GLP1R: variants seen among roughly 807,000 people sequenced by gnomAD.
GLP1R encodes the protein glucagon-like peptide 1 receptor.
GLP1R carries 32 observed loss-of-function variants against 68.4 expected under a neutral mutation model. That is an observed-to-expected ratio of 0.47 (90% confidence interval 0.35 to 0.63). GLP1R has a LOEUF of 0.63. GLP1R is among the 20% of genes least tolerant of loss of function. The pLI is 0.00. For synonymous variants in GLP1R, 263 were observed against 244.4 expected (o/e 1.08, Z -0.71); for missense variants, 502 against 594.9 (o/e 0.84, Z 1.62).
At chr6:39,070,317 A>G (rs971980904) in intron 5 of GLP1R, among the ~76,000 whole-genome samples, 1 of 152,176 alleles carries the variant, frequency 6.6e-6, no homozygotes, top group African/African-American at 2.4e-5. Context: ...TGTTTTGTGG[A>G]TTTTTAACCA....
intron 8 of GLP1R, 102 bp downstream of exon 8, chr6:39,078,484 G>A (rs1317506023): frequency 9.6e-6 from 8 of 836,148 alleles, no homozygotes; most frequent in South Asian, 1.3e-5. Flanking sequence ...AGAGGATAAA[G>A]GGGGGTACCA....
Position 39,086,143 on chromosome 6 carries a change from T to A in GLP1R, c.*70T>A. 8.5e-7 allele frequency: 1 copy of A among 1,180,304 alleles called. No homozygotes were observed. The allele number at this position is 1,180,304 out of a possible 1,614,324, so 73.1% of individuals were successfully genotyped here. On this transcript the variant is annotated 3_prime_UTR_variant, in exon 13 of 13. Coordinates refer to ENST00000373256, the MANE Select transcript of GLP1R (RefSeq NM_002062.5). This position sits in a 1 kb window ranked among gnomAD's most constrained non-coding sequence, Gnocchi z 4.5. ...TGGCCAATCCAGGTGGGAGAGACAC[T>A]CCCAGGGACAAGGGAAGGAAGGGAC...
intron 1 of GLP1R, among the ~76,000 whole-genome samples, chr6:39,054,262 A>T (rs573143310): frequency 6.6e-6 from 1 of 151,854 alleles, no homozygotes; most frequent in Non-Finnish European, 1.5e-5. Context: ...ACCCACGACC[A>T]CCCAGAACCT....
chr6:39,051,637 G>A (rs1342396404), intron 1 of GLP1R, among the ~76,000 whole-genome samples: 1 of 152,182 alleles, frequency 6.6e-6, no homozygotes, highest in Non-Finnish European at 1.5e-5. Context: ...TCCTATGTGT[G>A]TGTGGTGGTG....
intron 12 of GLP1R, 146 bp downstream of exon 12, chr6:39,080,885 G>A: frequency 3.7e-6 from 2 of 544,412 alleles, no homozygotes; most frequent in Non-Finnish European, 6.6e-6. Flanking sequence ...AAGCCATCTT[G>A]TCCACAGATT....
chr6:39,061,260 C>T (rs1194728672), intron 3 of GLP1R, among the ~76,000 whole-genome samples: 1 of 152,144 alleles, frequency 6.6e-6, no homozygotes. Flanking sequence ...CTGGTACAAA[C>T]GAGACTGGGA....
chr6:39,064,949 C>T (rs1407595251), intron 3 of GLP1R, among the ~76,000 whole-genome samples: 1 of 152,214 alleles, frequency 6.6e-6, no homozygotes, highest in African/African-American at 2.4e-5. Context: ...TTTCCTCTCT[C>T]CAAGGGCTAT....
chr6:39,053,036 C>G (rs1768122250), intron 1 of GLP1R, among the ~76,000 whole-genome samples: 1 of 152,164 alleles, frequency 6.6e-6, no homozygotes, highest in South Asian at 2.1e-4. Flanking sequence ...GGTGTCGTCT[C>G]CACGTGCCTT....
chr6:39,079,245 C>T lies in GLP1R; in HGVS notation c.1043+45C>T. ...TTTACTGAGGACCCTCAGCAAGTGC[C>T]CCTTTCCTTCTAGCAGAGAGAGAGA... On this transcript the variant is annotated intron_variant, in intron 10 of 12. Transcript: ENST00000373256. The surrounding 1 kb of genome is among the most constrained non-coding windows in gnomAD (Gnocchi z 4.5). 7.7e-7 allele frequency: 1 copy of T among 1,300,486 alleles called. No individual in the cohort carries two copies. 80.6% of individuals were successfully genotyped at this position (1,300,486 alleles called of 1,614,324 possible). A position where few individuals can be genotyped will look rare whatever the true frequency, so the allele number is the denominator to read the frequency against.
rs1440893703 is a variant in GLP1R at position 39,079,231 on chromosome 6, C to T, written c.1043+31C>T. On this transcript the variant is annotated intron_variant, in intron 10 of 12. Transcript: ENST00000373256. The surrounding 1 kb of genome is among the most constrained non-coding windows in gnomAD (Gnocchi z 4.5). ...GTAACTGAGCTGGCTTTACTGAGGACCCTCAGCAAGTGCCCCTTTCCTTCT... is the reference window on the plus strand; with the variant it reads ...GTAACTGAGCTGGCTTTACTGAGGATCCTCAGCAAGTGCCCCTTTCCTTCT... 6 of 1,460,716 alleles carry T rather than the reference C, an allele frequency of 4.1e-6. No homozygotes were observed. The highest frequency in any genetic ancestry group is 1.1e-5 in the South Asian group (1 of 88,102). The allele number at this position is 1,460,716 out of a possible 1,614,324, so 90.5% of individuals were successfully genotyped here. A position where few individuals can be genotyped will look rare whatever the true frequency, so the allele number is the denominator to read the frequency against.
intron 2 of GLP1R, among the ~76,000 whole-genome samples, chr6:39,057,041 T>C (rs553931886): frequency 1.3e-5 from 2 of 152,298 alleles, no homozygotes; most frequent in East Asian, 3.9e-4. Context: ...CTGACTGTAA[T>C]TATAACACGT....
chr6:39,079,259 C>CAGAG lies in GLP1R; in HGVS notation c.1043+73_1043+76dup, dbSNP rs5875654. On this transcript the variant is annotated intron_variant, in intron 10 of 12. Transcript: ENST00000373256. The surrounding 1 kb of genome is among the most constrained non-coding windows in gnomAD (Gnocchi z 4.5). ...TCAGCAAGTGCCCCTTTCCTTCTAGCAGAGAGAGAGAGAGAGATCCTGGGA... is the reference window on the plus strand; with the variant it reads ...TCAGCAAGTGCCCCTTTCCTTCTAGCAGAGAGAGAGAGAGAGAGAGATCCTGGGA... 3.6e-6 allele frequency: 4 copies of CAGAG among 1,106,454 alleles called. No homozygotes were observed. The highest frequency in any genetic ancestry group is 1.7e-5 in the Admixed American group (1 of 58,190). The allele number at this position is 1,106,454 out of a possible 1,614,324, so 68.5% of individuals were successfully genotyped here. A position where few individuals can be genotyped will look rare whatever the true frequency, so the allele number is the denominator to read the frequency against.
Position 39,078,533 on chromosome 6 carries a change from C to T in GLP1R, c.884+151C>T, listed in dbSNP as rs1768896927. 1.4e-5 allele frequency: 9 copies of T among 627,524 alleles called. No individual in the cohort carries two copies. In the South Asian group the frequency reaches 1.5e-4, roughly 10 times the overall value. 38.9% of individuals were successfully genotyped at this position (627,524 alleles called of 1,614,324 possible). A position where few individuals can be genotyped will look rare whatever the true frequency, so the allele number is the denominator to read the frequency against. On this transcript the variant is annotated intron_variant, in intron 8 of 12. Transcript: ENST00000373256. Reference sequence around the variant, plus strand: ...TGAATTTAGTTCTCTAATCTCCCCTCCCTGCCCCTGCCCCTGCCCCTGCCC... The same window carrying T: ...TGAATTTAGTTCTCTAATCTCCCCTTCCTGCCCCTGCCCCTGCCCCTGCCC...
chr6:39,075,142 C>A (rs536410316), intron 7 of GLP1R, among the ~76,000 whole-genome samples: 31 of 152,324 alleles, frequency 2.0e-4, no homozygotes, highest in Non-Finnish European at 3.4e-4. Flanking sequence ...CCTGCAGCAC[C>A]CCTGAGCAGG....
In GLP1R at chr6:39,065,640, G is replaced by A. The variant is rs539965303; in HGVS notation, c.284-71G>A. The stretch of plus-strand genomic sequence containing the variant: ...GGATAGCCCTCAGAATGGGGAGGAA[G>A]GGGAGCATCTAGCACTGGGCAGGCT... On this transcript the variant is annotated intron_variant, in intron 3 of 12. Coordinates refer to ENST00000373256, the MANE Select transcript of GLP1R (RefSeq NM_002062.5). 5.3e-3 allele frequency: 4,676 copies of A among 879,380 alleles called. 58 individuals are homozygous for A. The highest frequency in any genetic ancestry group is 3.5e-3 in the Non-Finnish European group (1,908 of 549,600). 54.5% of individuals were successfully genotyped at this position (879,380 alleles called of 1,614,324 possible).
At chr6:39,060,789 A>G (rs914177270) in intron 3 of GLP1R, among the ~76,000 whole-genome samples, 1 of 152,194 alleles carries the variant, frequency 6.6e-6, no homozygotes, top group Non-Finnish European at 1.5e-5. Flanking sequence ...AAGTCAAAAC[A>G]ATCACCAGAC....
rs752298481 is a variant in GLP1R at position 39,079,732 on chromosome 6, T to A, written c.1182+30T>A. The A allele has an allele frequency of 1.3e-6, 2 of 1,599,272 alleles. No individual in the cohort carries two copies. Among genetic ancestry groups the A allele is most frequent in the Non-Finnish European group, 1.7e-6 (2 of 1,168,222 alleles). ...CTTCATGCTTGGGGACACTTGCTTG[T>A]AAAGTCCTAGAGTGGGGGTGGGACA... On this transcript the variant is annotated intron_variant, in intron 11 of 12. Coordinates refer to ENST00000373256, the MANE Select transcript of GLP1R (RefSeq NM_002062.5). The surrounding 1 kb of genome is among the most constrained non-coding windows in gnomAD (Gnocchi z 4.5).
intron 1 of GLP1R, among the ~76,000 whole-genome samples, chr6:39,051,841 T>A (rs2284795): frequency 0.04 from 6,054 of 150,506 alleles, 334 homozygotes; most frequent in African/African-American, 0.12. Flanking sequence ...GTGTCTATGT[T>A]TTTGTGACCC....
At position 39,065,822 on chromosome 6, in the gene GLP1R, G is replaced by A; in HGVS notation, c.395G>A (p.Gly132Glu). Residue 132 changes from glycine (G) to glutamate (E), a missense_variant, in exon 4 of 13, where the codon GGG becomes GAG. Physicochemically the swap from Gly to Glu is moderately conservative, Grantham distance 98. Transcript: ENST00000373256. ...DLSECEESKR[G>E]ERSSPEEQLL... is the part of the protein sequence containing the mutation. Reference sequence around the variant, plus strand: ...TCGGAGTGCGAGGAGTCCAAGCGAGGGGAAAGAGTGAGTTGAGGCGGGGTT... The same window carrying A: ...TCGGAGTGCGAGGAGTCCAAGCGAGAGGAAAGAGTGAGTTGAGGCGGGGTT... 6.3e-7 allele frequency: 1 copy of A among 1,590,970 alleles called. No individual in the cohort carries two copies. The highest frequency in any genetic ancestry group is 8.6e-7 in the Non-Finnish European group (1 of 1,161,274).
Sources: allele counts gnomAD v4.1 joint callset (sites outside exome capture counted in the v4.1 genomes callset), GRCh38; gene constraint gnomAD v4.1.1; non-coding constraint Gnocchi (gnomAD v3.1); transcripts MANE v1.5; gene names NCBI Gene and HGNC (gene_info 2026-07-23, HGNC 2026-07-21).